SETX: variants seen among roughly 807,000 people sequenced by gnomAD.
SETX encodes the protein senataxin, also known as helicase senataxin.
Under a neutral mutation model 227.2 loss-of-function variants are expected in SETX, and 90 were observed. That is an observed-to-expected ratio of 0.40 (90% CI 0.33 to 0.47). SETX has a LOEUF of 0.47. Ranked by LOEUF, SETX falls within the 20% of genes least tolerant of loss-of-function variation. The pLI, the probability that SETX is intolerant of heterozygous loss-of-function variation, is 0.91. For synonymous variants in SETX, 1,210 were observed against 1,113.2 expected (o/e 1.09, Z -1.73); for missense variants, 3,052 against 3,181.5 (o/e 0.96, Z 0.98).
intron 15 of SETX, among the ~76,000 whole-genome samples, chr9:132,292,819 A>C (rs1844420151): frequency 6.6e-6 from 1 of 152,092 alleles, no homozygotes; most frequent in South Asian, 2.1e-4. Context: ...TTGTGTTTTC[A>C]GTAGAGACTG....
chr9:132,291,116 T>C (rs1235949351), intron 15 of SETX, among the ~76,000 whole-genome samples: 1 of 151,870 alleles, frequency 6.6e-6, no homozygotes, highest in Non-Finnish European at 1.5e-5. Flanking sequence ...TTCAGCTCAT[T>C]TTCCTAAATT....
At chr9:132,335,769 T>G (rs1170058143) in intron 6 of SETX, among the ~76,000 whole-genome samples, 1 of 152,242 alleles carries the variant, frequency 6.6e-6, no homozygotes, top group Admixed American at 6.5e-5. Flanking sequence ...CATTTGCCAG[T>G]GCTTGAAAAT....
At chr9:132,265,946 C>T (rs1842628272) in intron 25 of SETX, among the ~76,000 whole-genome samples, 1 of 152,190 alleles carries the variant, frequency 6.6e-6, no homozygotes, top group Non-Finnish European at 1.5e-5. Context: ...CTCAAGATAT[C>T]ATCTCACTTT....
chr9:132,288,130 T>G, intron 17 of SETX, 106 bp downstream of exon 17: 1 of 855,194 alleles, frequency 1.2e-6, no homozygotes. Context: ...GAGTCAGGAT[T>G]GTGCTACTGC....
intron 10 of SETX, among the ~76,000 whole-genome samples, chr9:132,324,857 C>T (rs776162650): frequency 6.6e-6 from 1 of 152,352 alleles, no homozygotes; most frequent in South Asian, 2.1e-4. Flanking sequence ...TTTGCTCCCA[C>T]TTCTTACCTG....
chr9:132,335,161 C>T (rs571440423), intron 6 of SETX, among the ~76,000 whole-genome samples: 92 of 151,886 alleles, frequency 6.1e-4, no homozygotes, highest in African/African-American at 1.6e-3. Context: ...GAGGCCAAGG[C>T]GGGCAGATCA....
At position 132,327,607 on chromosome 9, in the gene SETX, G is replaced by A. The variant is rs150050873; in HGVS notation, c.3991C>T (p.Pro1331Ser). The A allele has an allele frequency of 1.9e-6, 3 of 1,613,884 alleles. No individual in the cohort carries two copies. In the African/African-American group the frequency reaches 4.0e-5, roughly 22 times the overall value. Residue 1331 changes from proline (P) to serine (S), a missense_variant, in exon 10 of 26, where the codon CCT becomes TCT. Pro to Ser is a moderately conservative substitution (Grantham distance 74, BLOSUM62 -1). This residue lies in a region of SETX where 1,483 missense variants were observed against 1,312.0 expected (regional missense o/e 1.13). Coordinates refer to ENST00000224140, the MANE Select transcript of SETX (RefSeq NM_015046.7). ...TTATTTCTGACAGACAGGTTCTGAG[G>A]AGAAATTAATTTAGTCTTTTTTCGG... ...DTRKKTKLIS[P>S]QNLSVRNNKK...
chr9:132,285,592 A>G (rs1475412584), intron 18 of SETX, among the ~76,000 whole-genome samples: 2 of 150,670 alleles, frequency 1.3e-5, no homozygotes, highest in Non-Finnish European at 3.0e-5. Context: ...TTAAAAATAC[A>G]AAAAAAGGGC....
rs374091487 is a variant in SETX, at chr9:132,328,398, G to A, written c.3200C>T (p.Thr1067Ile). 3.5e-5 allele frequency: 57 copies of A among 1,613,814 alleles called. No individual in the cohort carries two copies. The highest frequency in any genetic ancestry group is 4.2e-5 in the Non-Finnish European group (50 of 1,179,976). Reference sequence around the variant, plus strand: ...TTCCTCAAACTGAAAAAGAGTCTCTGTCTTTTCTTCCTTTACTGGATTCTT... The same window carrying A: ...TTCCTCAAACTGAAAAAGAGTCTCTATCTTTTCTTCCTTTACTGGATTCTT... ...EEKNPVKEEKTETLFQFEESD... is the reference protein window; with the variant it reads ...EEKNPVKEEKIETLFQFEESD... Residue 1067 changes from threonine (T) to isoleucine (I), a missense_variant, in exon 10 of 26, where the codon ACA (threonine) becomes ATA (isoleucine). Around this residue, in one of 10 missense-constraint regions of SETX, gnomAD observed 1,483 missense variants for 1,312.0 expected, o/e 1.13. Coordinates refer to ENST00000224140, the MANE Select transcript of SETX (RefSeq NM_015046.7).
In SETX at chr9:132,265,224, GT is replaced by G. The variant is rs397741391; in HGVS notation, c.7288-240del. ...CCTATAATGGAGAACTTCAACTTTT[GT>G]TTTTTTTTTTTTTTTTTTTGAGACA... On this transcript the variant is annotated intron_variant, in intron 25 of 25. Coordinates refer to ENST00000224140, the MANE Select transcript of SETX (RefSeq NM_015046.7). 0.072 allele frequency among the ~76,000 whole-genome samples: 7,622 copies of G among 106,198 alleles called. 211 individuals are homozygous for G. Among genetic ancestry groups the G allele is most frequent in the East Asian group, 0.29 (1,020 of 3,494 alleles). The allele number at this position is 106,198 out of a possible 152,430, so 69.7% of individuals were successfully genotyped here. A position where few individuals can be genotyped will look rare whatever the true frequency, so the allele number is the denominator to read the frequency against.
At chr9:132,292,859 G>A (rs937925761) in intron 15 of SETX, among the ~76,000 whole-genome samples, 1 of 152,098 alleles carries the variant, frequency 6.6e-6, no homozygotes, top group East Asian at 1.9e-4. Flanking sequence ...GGATGGTTTC[G>A]ATCTCCTGAC....
Position 132,277,155 on chromosome 9 carries a change from GT to G in SETX, c.6843-4del. 2 of 1,578,058 alleles carry G rather than the reference GT, an allele frequency of 1.3e-6. No homozygotes were observed. Among genetic ancestry groups the G allele is most frequent in the Non-Finnish European group, 1.7e-6 (2 of 1,160,732 alleles). Reference sequence around the variant, plus strand: ...AACATCGAATGGCTTCTGTCTGTCTGTAAAAAAAAAAAAGCAGTCAACATTC... The same window carrying G: ...AACATCGAATGGCTTCTGTCTGTCTGAAAAAAAAAAAAGCAGTCAACATTC... On this transcript the variant is annotated splice_region_variant and splice_polypyrimidine_tract_variant and intron_variant, in intron 21 of 25. Coordinates refer to ENST00000224140, the MANE Select transcript of SETX (RefSeq NM_015046.7).
chr9:132,333,242 G>T (rs1287281946), intron 7 of SETX, among the ~76,000 whole-genome samples: 1 of 151,352 alleles, frequency 6.6e-6, no homozygotes, highest in Admixed American at 6.6e-5. Context: ...AGCCAGGTAT[G>T]GTGGTGCATA....
At chr9:132,312,856 G>A (rs1378243317) in intron 10 of SETX, among the ~76,000 whole-genome samples, 3 of 152,202 alleles carry the variant, frequency 2.0e-5, no homozygotes, top group Non-Finnish European at 4.4e-5. Context: ...ATCAGTTGGT[G>A]AATGCATAAA....
intron 11 of SETX, among the ~76,000 whole-genome samples, chr9:132,303,712 G>A (rs2096303196): frequency 6.6e-6 from 1 of 151,988 alleles, no homozygotes; most frequent in East Asian, 1.9e-4. Context: ...ATACATGAAG[G>A]GGATATGTAC....
chr9:132,346,587 T>C (rs1488444018), intron 3 of SETX, 116 bp from the exon 4 acceptor site: 2 of 731,170 alleles, frequency 2.7e-6, no homozygotes, highest in East Asian at 2.7e-5. Context: ...TGTAAAGTAT[T>C]AGAGCTTGTA....
rs1331217337 is a variant in SETX, at chr9:132,277,097, A to AC, written c.6897dup (p.Phe2300ValfsTer2). On this transcript the variant is annotated frameshift_variant, in exon 22 of 26. Coordinates refer to ENST00000224140, the MANE Select transcript of SETX (RefSeq NM_015046.7). LOFTEE classifies it high-confidence loss of function. ...CTTTCTGAACCATCTCCAACATCAA[A>AC]CACAAGGTATGGCTGAAATGGCCAA... 3 of 1,613,894 alleles carry AC rather than the reference A, an allele frequency of 1.9e-6. No individual in the cohort carries two copies. The highest frequency in any genetic ancestry group is 2.5e-6 in the Non-Finnish European group (3 of 1,180,004).
intron 25 of SETX, among the ~76,000 whole-genome samples, chr9:132,267,049 CT>C (rs1842684637): frequency 6.6e-6 from 1 of 152,108 alleles, no homozygotes; most frequent in South Asian, 2.1e-4. Flanking sequence ...CTTAAGAGTC[CT>C]TTCAATAAAT....
Position 132,316,500 on chromosome 9 carries a change from GTTT to G in SETX, c.5275-4647_5275-4645del, listed in dbSNP as rs1288980699. ...CATTAATGTGGCTAATGCTTTTTATGTTTTTATGATTACCTTCATCACCTAAAC... is the reference window on the plus strand; with the variant it reads ...CATTAATGTGGCTAATGCTTTTTATGTTATGATTACCTTCATCACCTAAAC... On this transcript the variant is annotated intron_variant, in intron 10 of 25. Transcript: ENST00000224140. Among the ~76,000 whole-genome samples, 17 of 152,216 alleles carry G rather than the reference GTTT, an allele frequency of 1.1e-4. 1 individual carries two copies. The highest frequency in any genetic ancestry group is 8.5e-4 in the Admixed American group (13 of 15,294).
Sources: allele counts gnomAD v4.1 joint callset (sites outside exome capture counted in the v4.1 genomes callset), GRCh38; gene constraint gnomAD v4.1.1; regional missense constraint gnomAD v4.1.1; transcripts MANE v1.5; gene names NCBI Gene and HGNC (gene_info 2026-07-23, HGNC 2026-07-21).